The following WDPCP variants were observed in gnomAD, a reference collection of about 807,000 sequenced individuals.
WDPCP encodes WD repeat-containing and planar cell polarity effector protein fritz homolog.
WDPCP carries 71 observed loss-of-function variants against 93.1 expected under a neutral mutation model. The ratio of observed to expected loss-of-function variants is 0.76; its 90% CI spans 0.63 to 0.93. The LOEUF is 0.93. WDPCP is among the 40% of genes least tolerant of loss of function. WDPCP has a pLI of 0.00. For synonymous variants in WDPCP, 315 were observed against 315.0 expected, an observed-to-expected ratio of 1.00 and a Z score of 0.00; for missense variants, 844 against 887.4, an observed-to-expected ratio of 0.95 and a Z score of 0.62.
At chr2:63,575,266 A>G (rs937129107) in intron 1 of WDPCP, among the ~76,000 whole-genome samples, 1 of 149,826 alleles carries the variant, frequency 6.7e-6, no homozygotes, top group African/African-American at 2.4e-5. Flanking sequence ...CTCTCTATAC[A>G]TAATACATAT....
At chr2:63,364,565 C>T (rs1690744462) in intron 12 of WDPCP, among the ~76,000 whole-genome samples, 1 of 152,168 alleles carries the variant, frequency 6.6e-6, no homozygotes, top group Non-Finnish European at 1.5e-5. Context: ...CCCCAAGACA[C>T]ATAGCTCAGT....
At chr2:63,675,415 G>A (rs576640275) in intron 2 of WDPCP, among the ~76,000 whole-genome samples, 17 of 152,262 alleles carry the variant, frequency 1.1e-4, no homozygotes, top group Non-Finnish European at 2.9e-5. Flanking sequence ...GTATATAATG[G>A]AGCAGGTAAG....
At chr2:63,840,158 G>C in the WDPCP span, among the ~76,000 whole-genome samples, 1 of 152,200 alleles carries the variant, frequency 6.6e-6, no homozygotes, top group African/African-American at 2.4e-5. Flanking sequence ...CGGGCTATTT[G>C]AGTCTTAAAG....
intron 13 of WDPCP, among the ~76,000 whole-genome samples, chr2:63,310,878 A>AAAGC (rs57880205): frequency 1.3e-5 from 2 of 152,144 alleles, no homozygotes; most frequent in African/African-American, 2.4e-5. Flanking sequence ...ATGAATCAAT[A>AAAGC]AAGCAAGCAA....
rs183871738 is a variant in WDPCP at position 63,273,231 on chromosome 2, C to G, written c.1813-13822G>C. Among the ~76,000 whole-genome samples, 52 of 152,116 alleles carry G rather than the reference C, an allele frequency of 3.4e-4. No individual in the cohort carries two copies. In the East Asian group the frequency reaches 7.7e-3, roughly 23 times the overall value. Reference sequence around the variant, plus strand: ...ATTCATCACCACTAGACTGGTCCTACAAGAAATATTTAAGGAAGTCCTAGA... The same window carrying G: ...ATTCATCACCACTAGACTGGTCCTAGAAGAAATATTTAAGGAAGTCCTAGA... On this transcript the variant is annotated intron_variant, in intron 13 of 17. Transcript: ENST00000272321.
intron 2 of WDPCP, among the ~76,000 whole-genome samples, chr2:63,793,797 CTA>C (rs1008343541): frequency 1.4e-5 from 2 of 147,682 alleles, no homozygotes; most frequent in Non-Finnish European, 3.0e-5. Context: ...ACTGAACTCT[CTA>C]TAAATATTAT....
At chr2:63,804,069 G>A (rs1670729312) in intron 2 of WDPCP, among the ~76,000 whole-genome samples, 1 of 152,038 alleles carries the variant, frequency 6.6e-6, no homozygotes, top group African/African-American at 2.4e-5. Flanking sequence ...CATCCTAGAT[G>A]ATACTTCACT....
At chr2:63,588,997 T>A (rs756964732), upstream of WDPCP, 1 of 1,614,072 alleles carries the variant, frequency 6.2e-7, no homozygotes, top group African/African-American at 1.3e-5. Context: ...CCTGACTCTC[T>A]GAGGCTCATT....
intron 2 of WDPCP, among the ~76,000 whole-genome samples, chr2:63,795,940 T>C (rs1384271370): frequency 1.3e-5 from 2 of 152,212 alleles, no homozygotes; most frequent in African/African-American, 2.4e-5. Flanking sequence ...TCAGGAGAGA[T>C]TGGTCTCTCC....
intron 2 of WDPCP, among the ~76,000 whole-genome samples, chr2:63,811,723 G>C (rs150035990): frequency 8.0e-4 from 121 of 151,826 alleles, no homozygotes; most frequent in African/African-American, 2.7e-3. Flanking sequence ...ACTGAGCATA[G>C]TACCCAATAG....
chr2:63,644,293 G>A (rs1710021766), intron 3 of WDPCP, among the ~76,000 whole-genome samples: 1 of 131,224 alleles, frequency 7.6e-6, no homozygotes, highest in Non-Finnish European at 1.5e-5. Flanking sequence ...CACCCAGGCT[G>A]GAATGCAGTG....
At chr2:63,723,452 A>C (rs532095800) in intron 2 of WDPCP, among the ~76,000 whole-genome samples, 5 of 152,276 alleles carry the variant, frequency 3.3e-5, no homozygotes, top group African/African-American at 9.6e-5. Flanking sequence ...GCTCTTTTAG[A>C]ATCTTATAAT....
At chr2:63,537,931 A>T (rs1336833344) in intron 1 of WDPCP, among the ~76,000 whole-genome samples, 1 of 152,248 alleles carries the variant, frequency 6.6e-6, no homozygotes. Flanking sequence ...TGTCAGATAA[A>T]TTAATCAATG....
At chr2:63,654,217 GATAT>G (rs1211293683) in intron 2 of WDPCP, among the ~76,000 whole-genome samples, 13 of 152,130 alleles carry the variant, frequency 8.5e-5, no homozygotes, top group Admixed American at 8.5e-4. Flanking sequence ...TAGCAGGTTA[GATAT>G]TGCAAAAGAA....
At chr2:63,760,092 T>C (rs1158689909) in intron 2 of WDPCP, among the ~76,000 whole-genome samples, 1 of 152,202 alleles carries the variant, frequency 6.6e-6, no homozygotes, top group Admixed American at 6.5e-5. Context: ...TGAATGAGCC[T>C]GGGCTCCAAG....
At chr2:63,559,715 A>G (rs1706442640) in intron 1 of WDPCP, among the ~76,000 whole-genome samples, 1 of 152,166 alleles carries the variant, frequency 6.6e-6, no homozygotes, top group Non-Finnish European at 1.5e-5. Context: ...ATTTAACATA[A>G]TGGTTAACAA....
intron 13 of WDPCP, among the ~76,000 whole-genome samples, chr2:63,278,805 G>C (rs991792500): frequency 6.6e-6 from 1 of 152,154 alleles, no homozygotes; most frequent in South Asian, 2.1e-4. Context: ...CAGCCTGGGC[G>C]ACAGATACTA....
At chr2:63,247,555 A>G (rs1680379570) in intron 14 of WDPCP, among the ~76,000 whole-genome samples, 1 of 152,144 alleles carries the variant, frequency 6.6e-6, no homozygotes, top group South Asian at 2.1e-4. Flanking sequence ...TGCATGCACA[A>G]AATTATCAAA....
chr2:63,562,729 G>A (rs920199181), intron 1 of WDPCP, among the ~76,000 whole-genome samples: 2 of 152,082 alleles, frequency 1.3e-5, no homozygotes, highest in African/African-American at 4.8e-5. Flanking sequence ...TTTCATGTAT[G>A]TACTTGTGAA....
Sources: gnomAD v4.1 joint callset for allele counts (sites outside exome capture counted in the v4.1 genomes callset) on GRCh38, gnomAD v4.1.1 for gene constraint, MANE v1.5 for transcripts, NCBI Gene and HGNC (gene_info 2026-07-23, HGNC 2026-07-21) for gene names.